Variants in NCALD observed in about 807,000 individuals in gnomAD.
The protein encoded by NCALD is neurocalcin-delta.
Under a neutral mutation model 18.6 loss-of-function variants are expected in NCALD, and 10 were observed. That is an observed-to-expected ratio of 0.54 (90% CI 0.33 to 0.91). NCALD has a LOEUF of 0.91. Among genes scored for constraint, NCALD ranks in the 40% least tolerant of loss-of-function variants. The pLI, the probability that NCALD is intolerant of heterozygous loss-of-function variation, is 0.03. For synonymous variants in NCALD, 88 were observed against 87.4 expected (o/e 1.01, Z -0.04); for missense variants, 184 against 247.6 (o/e 0.74, Z 1.72).
chr8:101,852,442 G>A (rs769296209), intron 4 of NCALD: 4 of 152,132 alleles, frequency 2.6e-5, no homozygotes, highest in Non-Finnish European at 5.9e-5. Context: ...ACCCAGCTCT[G>A]GCTCTGGAAA....
At chr8:101,838,814 C>T (rs1814521028) in intron 4 of NCALD, among the ~76,000 whole-genome samples, 1 of 152,230 alleles carries the variant, frequency 6.6e-6, no homozygotes, top group African/African-American at 2.4e-5. Flanking sequence ...GGACGTGCAA[C>T]ACTGCTAATA....
Position 102,001,746 on chromosome 8 carries a change from T to TTTC in NCALD, c.-157+18490_-157+18491insGAA, listed in dbSNP as rs1274143018. 2.8e-4 allele frequency among the ~76,000 whole-genome samples: 43 copies of TTTC among 152,320 alleles called. 1 individual carries two copies. The highest frequency in any genetic ancestry group is 1.0e-3 in the African/African-American group (42 of 41,562). Reference sequence around the variant, plus strand: ...TCGACATTCTTAAAGAAAAGAATTTTCAACCCAGAATTTCATATCCAGCCA... The same window carrying TTTC: ...TCGACATTCTTAAAGAAAAGAATTTTTTCCAACCCAGAATTTCATATCCAGCCA... On this transcript the variant is annotated intron_variant, in intron 2 of 6. Coordinates refer to the NCALD transcript ENST00000311028.
chr8:102,046,230 A>G (rs980654911), intron 1 of NCALD, among the ~76,000 whole-genome samples: 1 of 152,158 alleles, frequency 6.6e-6, no homozygotes, highest in African/African-American at 2.4e-5. Flanking sequence ...CCACTAGAAA[A>G]AAACTCAGCC....
intron 2 of NCALD, among the ~76,000 whole-genome samples, chr8:101,994,277 T>G (rs1211659229): frequency 1.3e-5 from 2 of 152,060 alleles, no homozygotes; most frequent in African/African-American, 4.8e-5. Context: ...GACTGTGAAG[T>G]CCCAATCTGG....
At chr8:102,076,061 A>C (rs77925464) in intron 1 of NCALD, among the ~76,000 whole-genome samples, 1 of 151,934 alleles carries the variant, frequency 6.6e-6, no homozygotes, top group Non-Finnish European at 1.5e-5. Flanking sequence ...AAATAAAACT[A>C]TTATGAAATA....
At chr8:102,003,907 C>T (rs1282731183) in intron 2 of NCALD, among the ~76,000 whole-genome samples, 6 of 152,094 alleles carry the variant, frequency 3.9e-5, no homozygotes, top group Admixed American at 6.6e-5. Context: ...TTATGACAAA[C>T]GCACAGCCAA....
rs540076739 is a variant in NCALD, at chr8:101,938,088, TTC to T, written c.-156-22232_-156-22231del. On this transcript the variant is annotated intron_variant, in intron 2 of 6. Transcript: ENST00000311028. ...CTTGTTCTTTATGAGCCCCTACTGC[TTC>T]TCTCTCTTTCCAAAAATTCCGATAA... 4.3e-3 allele frequency among the ~76,000 whole-genome samples: 648 copies of T among 152,274 alleles called. 7 individuals carry two copies. The highest frequency in any genetic ancestry group is 0.015 in the African/African-American group (614 of 41,546).
At chr8:102,022,004 G>A (rs1822292518) in intron 1 of NCALD, among the ~76,000 whole-genome samples, 1 of 152,174 alleles carries the variant, frequency 6.6e-6, no homozygotes, top group South Asian at 2.1e-4. Context: ...TGATGTATTT[G>A]TACAGGGTCC....
At chr8:101,766,999 T>C (rs1453861452) in intron 1 of NCALD, among the ~76,000 whole-genome samples, 1 of 152,264 alleles carries the variant, frequency 6.6e-6, no homozygotes, top group Non-Finnish European at 1.5e-5. Flanking sequence ...TTTCCACTTA[T>C]GGACATCTTT....
intron 4 of NCALD, among the ~76,000 whole-genome samples, chr8:101,827,557 T>G (rs959897151): frequency 6.6e-6 from 1 of 152,220 alleles, no homozygotes; most frequent in Non-Finnish European, 1.5e-5. Flanking sequence ...AAGATATAGA[T>G]AGATACATAT....
intron 4 of NCALD, among the ~76,000 whole-genome samples, chr8:101,876,463 C>T (rs564518372): frequency 1.3e-5 from 2 of 152,286 alleles, no homozygotes; most frequent in East Asian, 1.9e-4. Context: ...GATATACTTG[C>T]TGGTAGTGAA....
At chr8:101,926,058 C>A (rs927185416) in intron 2 of NCALD, among the ~76,000 whole-genome samples, 1 of 152,168 alleles carries the variant, frequency 6.6e-6, no homozygotes, top group African/African-American at 2.4e-5. Flanking sequence ...GGTGGGGCAA[C>A]CAATCCCAGA....
intron 3 of NCALD, among the ~76,000 whole-genome samples, chr8:101,897,780 C>T (rs1481415552): frequency 6.6e-6 from 1 of 152,198 alleles, no homozygotes; most frequent in Non-Finnish European, 1.5e-5. Context: ...TAACCTCCAG[C>T]ATTGCATGGT....
chr8:101,974,010 T>C (rs7841927), intron 2 of NCALD, among the ~76,000 whole-genome samples: 60,307 of 152,002 alleles, frequency 0.4, 12,180 homozygotes, highest in South Asian at 0.45. Context: ...CTTGCACTTG[T>C]TCCATTCTTT....
intron 1 of NCALD, among the ~76,000 whole-genome samples, chr8:101,762,878 T>C (rs996791694): frequency 6.6e-6 from 1 of 152,202 alleles, no homozygotes; most frequent in African/African-American, 2.4e-5. Flanking sequence ...AGCCAAGGCC[T>C]ACTTTTAATA....
At chr8:101,859,705 G>A (rs1230689057) in intron 4 of NCALD, among the ~76,000 whole-genome samples, 1 of 152,106 alleles carries the variant, frequency 6.6e-6, no homozygotes, top group Non-Finnish European at 1.5e-5. Flanking sequence ...AGAAGTGTGA[G>A]GAAGAAGAAT....
chr8:101,691,836 G>T (rs1380920648), intron 3 of NCALD: 7 of 985,300 alleles, frequency 7.1e-6, no homozygotes, highest in East Asian at 1.1e-4. Context: ...AGCGCCAGGT[G>T]GGGGACCCAA....
intron 2 of NCALD, among the ~76,000 whole-genome samples, chr8:101,705,058 C>T (rs1003169894): frequency 6.6e-6 from 1 of 151,614 alleles, no homozygotes; most frequent in Non-Finnish European, 1.5e-5. Context: ...GAAACCCCGT[C>T]TCAACTAAAA....
chr8:102,029,375 G>T (rs970006394), intron 1 of NCALD, among the ~76,000 whole-genome samples: 3 of 152,200 alleles, frequency 2.0e-5, no homozygotes, highest in African/African-American at 7.2e-5. Context: ...TCAGGCAAAA[G>T]ACTGAAAGCC....
Sources: allele counts gnomAD v4.1 joint callset (sites outside exome capture counted in the v4.1 genomes callset), GRCh38; gene constraint gnomAD v4.1.1; transcripts MANE v1.5; gene names NCBI Gene and HGNC (gene_info 2026-07-23, HGNC 2026-07-21).